The following SLC25A27 variants were observed in gnomAD, a reference collection of about 807,000 sequenced individuals.
The protein encoded by SLC25A27 is mitochondrial uncoupling protein 4.
Under a neutral mutation model 49.1 loss-of-function variants are expected in SLC25A27, and 35 were observed. The ratio of observed to expected loss-of-function variants is 0.71; its 90% CI spans 0.54 to 0.95. SLC25A27 has a LOEUF of 0.95. Ranked by LOEUF, SLC25A27 falls within the 40% of genes least tolerant of loss-of-function variation. The pLI is 0.00. For missense variants in SLC25A27, 339 were observed against 397.1 expected (o/e 0.85, Z 1.24); for synonymous variants, 144 against 136.9 (o/e 1.05, Z -0.36).
intron 1 of SLC25A27, 181 bp downstream of exon 1, chr6:46,653,479 C>T (rs1027308518): frequency 2.0e-6 from 2 of 985,342 alleles, no homozygotes; most frequent in Non-Finnish European, 2.4e-6. Context: ...TTGAGGTCTC[C>T]ACGGCCTTTT....
chr6:46,663,263 G>A (rs2150641986), intron 4 of SLC25A27, among the ~76,000 whole-genome samples: 1 of 152,240 alleles, frequency 6.6e-6, no homozygotes, highest in African/African-American at 2.4e-5. Context: ...AAAGGGAGCT[G>A]CTCCTGTGAA....
intron 5 of SLC25A27, among the ~76,000 whole-genome samples, chr6:46,668,469 G>C (rs1394438847): frequency 1.3e-5 from 2 of 152,082 alleles, no homozygotes; most frequent in African/African-American, 4.8e-5. Context: ...ATACTGAAAG[G>C]CCCAGGGGTT....
At chr6:46,664,300 T>A (rs982503324) in intron 4 of SLC25A27, among the ~76,000 whole-genome samples, 3 of 152,238 alleles carry the variant, frequency 2.0e-5, no homozygotes, top group Non-Finnish European at 4.4e-5. Flanking sequence ...TTTTAAGAAC[T>A]TTTTATGAAA....
chr6:46,653,162 G>A lies in SLC25A27; in HGVS notation c.-31G>A, dbSNP rs767215700. The A allele has an allele frequency of 2.5e-6, 4 of 1,589,612 alleles. No individual in the cohort carries two copies. The highest frequency in any genetic ancestry group is 3.4e-6 in the Non-Finnish European group (4 of 1,160,662). On this transcript the variant is annotated 5_prime_UTR_variant, in exon 1 of 9. Transcript: ENST00000371347. ...GCGCGGTGCAGCGCAGCGGCGAGAA[G>A]GAGTGCGTTATCGTCTTGCGCTACT...
At chr6:46,655,543 T>G (rs1347716340) in intron 1 of SLC25A27, among the ~76,000 whole-genome samples, 28 of 29,182 alleles carry the variant, frequency 9.6e-4, no homozygotes, top group Middle Eastern at 0.017. Flanking sequence ...TTGTTTTTTT[T>G]TTTTTTTTTT....
intron 4 of SLC25A27, 93 bp from the exon 5 acceptor site, chr6:46,664,681 C>G (rs1451882898): frequency 1.9e-6 from 1 of 533,328 alleles, no homozygotes; most frequent in Non-Finnish European, 3.2e-6. Context: ...GTTATTTACT[C>G]CAGATTATAA....
intron 4 of SLC25A27, 70 bp downstream of exon 4, chr6:46,662,568 A>G: frequency 6.6e-7 from 1 of 1,508,674 alleles, no homozygotes. Flanking sequence ...CAAGTACCTA[A>G]TAGAATTATC....
intron 8 of SLC25A27, among the ~76,000 whole-genome samples, chr6:46,674,599 C>T (rs1643642606): frequency 6.6e-6 from 1 of 152,184 alleles, no homozygotes; most frequent in African/African-American, 2.4e-5. Flanking sequence ...AATTCATGAG[C>T]ATTTCCAAGT....
intron 8 of SLC25A27, among the ~76,000 whole-genome samples, chr6:46,673,432 T>C (rs1242679687): frequency 6.6e-6 from 1 of 152,206 alleles, no homozygotes; most frequent in Non-Finnish European, 1.5e-5. Flanking sequence ...GTATTCTTGC[T>C]TTACCAGTGG....
At chr6:46,663,011 T>C (rs868185629) in intron 4 of SLC25A27, among the ~76,000 whole-genome samples, 3 of 152,216 alleles carry the variant, frequency 2.0e-5, no homozygotes, top group East Asian at 3.8e-4. Context: ...GTCCCAACTT[T>C]CTTGTTGAAT....
chr6:46,677,838 T>C lies in SLC25A27; in HGVS notation c.*1384T>C, dbSNP rs1050716477. ...AAAAAAGTTTACAAGTGCTTTGTGG[T>C]TGCACTAATGTATACTCACTGCCAT... On this transcript the variant is annotated 3_prime_UTR_variant, in exon 9 of 9. Transcript: ENST00000371347. 1.3e-5 allele frequency: 2 copies of C among 152,510 alleles called. No individual in the cohort carries two copies. Among genetic ancestry groups the C allele is most frequent in the African/African-American group, 4.8e-5 (2 of 41,408 alleles). 9.4% of individuals were successfully genotyped at this position (152,510 alleles called of 1,614,324 possible).
intron 3 of SLC25A27, among the ~76,000 whole-genome samples, chr6:46,661,598 A>G (rs1002136660): frequency 6.6e-6 from 1 of 152,244 alleles, no homozygotes; most frequent in Non-Finnish European, 1.5e-5. Flanking sequence ...ACTGTCAGTC[A>G]TAACTTAGTG....
intron 1 of SLC25A27, among the ~76,000 whole-genome samples, chr6:46,654,467 A>C (rs1762900403): frequency 6.6e-6 from 1 of 152,190 alleles, no homozygotes; most frequent in Non-Finnish European, 1.5e-5. Flanking sequence ...CAGATTGCTG[A>C]ATGATATTTC....
intron 7 of SLC25A27, 103 bp from the exon 8 acceptor site, chr6:46,671,023 C>G (rs1763515386): frequency 1.2e-6 from 1 of 807,370 alleles, no homozygotes. Flanking sequence ...AGCCACCGCG[C>G]CCGGCCAATA....
chr6:46,659,273 A>G (rs1763084521), intron 3 of SLC25A27, among the ~76,000 whole-genome samples: 2 of 152,178 alleles, frequency 1.3e-5, no homozygotes, highest in African/African-American at 4.8e-5. Flanking sequence ...TTTACTGTTG[A>G]AAGAATTCTT....
chr6:46,658,649 T>C (rs1204727700), intron 2 of SLC25A27: 2 of 399,432 alleles, frequency 5.0e-6, no homozygotes, highest in Admixed American at 4.0e-5. Flanking sequence ...GATAAAAAGG[T>C]CAGAGAGCAG....
At chr6:46,653,482 G>A (rs1384665000) in intron 1 of SLC25A27, 184 bp downstream of exon 1, 2 of 985,332 alleles carry the variant, frequency 2.0e-6, no homozygotes, top group African/African-American at 3.5e-5. Context: ...AGGTCTCCAC[G>A]GCCTTTTCCT....
intron 8 of SLC25A27, among the ~76,000 whole-genome samples, chr6:46,674,170 C>G (rs1399703089): frequency 3.3e-5 from 5 of 152,076 alleles, no homozygotes; most frequent in Non-Finnish European, 7.4e-5. Flanking sequence ...TGTCTTTATA[C>G]ATATGACTCA....
rs764658679 is a variant in SLC25A27 at position 46,653,145 on chromosome 6, C to G, written c.-48C>G. 1.3e-6 allele frequency: 2 copies of G among 1,554,580 alleles called. No individual in the cohort carries two copies. Among genetic ancestry groups the G allele is most frequent in the Non-Finnish European group, 1.8e-6 (2 of 1,133,098 alleles). ...GGGAAGCGGCCGCCGCGGCGCGGTG[C>G]AGCGCAGCGGCGAGAAGGAGTGCGT... is the stretch of plus-strand genomic sequence containing the variant. On this transcript the variant is annotated 5_prime_UTR_variant, in exon 1 of 9. Transcript: ENST00000371347.
Sources: gnomAD v4.1 joint callset for allele counts (sites outside exome capture counted in the v4.1 genomes callset) on GRCh38, gnomAD v4.1.1 for gene constraint, MANE v1.5 for transcripts, NCBI Gene and HGNC (gene_info 2026-07-23, HGNC 2026-07-21) for gene names.